Variants in FTO observed in about 807,000 individuals in gnomAD.
FTO encodes the protein alpha-ketoglutarate-dependent dioxygenase FTO.
FTO carries 47 observed loss-of-function variants against 63.9 expected under a neutral mutation model. That is an observed-to-expected ratio of 0.74 (90% CI 0.58 to 0.94). FTO has a LOEUF of 0.94. Among genes scored for constraint, FTO ranks in the 40% least tolerant of loss-of-function variants. The pLI is 0.00. For synonymous variants in FTO, 207 were observed against 224.4 expected, an observed-to-expected ratio of 0.92 and a Z score of 0.69; for missense variants, 562 against 618.1, an observed-to-expected ratio of 0.91 and a Z score of 0.96.
intron 1 of FTO, among the ~76,000 whole-genome samples, chr16:53,754,357 G>A (rs1052184536): frequency 6.6e-6 from 1 of 152,226 alleles, no homozygotes; most frequent in Non-Finnish European, 1.5e-5. Context: ...AAAGCTCCAG[G>A]CTGGGCGCGG....
chr16:54,087,431 G>C (rs1424130469), intron 8 of FTO, among the ~76,000 whole-genome samples: 1 of 152,140 alleles, frequency 6.6e-6, no homozygotes, highest in Non-Finnish European at 1.5e-5. Context: ...ACAATCAAAA[G>C]AACTCCCTTT....
chr16:53,875,556 T>C (rs2080624789), intron 5 of FTO, among the ~76,000 whole-genome samples: 1 of 152,184 alleles, frequency 6.6e-6, no homozygotes, highest in African/African-American at 2.4e-5. Flanking sequence ...GAAAAACTAA[T>C]AGGAGATGGG....
chr16:53,803,279 C>T (rs1274321569), intron 1 of FTO, among the ~76,000 whole-genome samples: 1 of 152,188 alleles, frequency 6.6e-6, no homozygotes, highest in East Asian at 1.9e-4. Context: ...AGGGCTATCG[C>T]ACCACTGCTG....
chr16:53,791,848 C>T (rs1281325094), intron 1 of FTO, among the ~76,000 whole-genome samples: 2 of 151,946 alleles, frequency 1.3e-5, no homozygotes, highest in Non-Finnish European at 2.9e-5. Flanking sequence ...CCGAGGCGGG[C>T]GGATCACGAG....
chr16:53,944,160 GAGGAGCTATCTT>G (rs1437872113), intron 8 of FTO, among the ~76,000 whole-genome samples: 1 of 152,184 alleles, frequency 6.6e-6, no homozygotes, highest in Non-Finnish European at 1.5e-5. Flanking sequence ...TACCTGGTAT[GAGGAGCTATCTT>G]AGGTCCTGAG....
intron 7 of FTO, among the ~76,000 whole-genome samples, chr16:53,904,649 T>A (rs1567419105): frequency 6.6e-6 from 1 of 152,174 alleles, no homozygotes. Flanking sequence ...TATAACTATT[T>A]TTGGCAATGG....
At chr16:54,107,584 A>G (rs923939608) in intron 8 of FTO, among the ~76,000 whole-genome samples, 1 of 152,198 alleles carries the variant, frequency 6.6e-6, no homozygotes. Flanking sequence ...CAACCACAAC[A>G]TCTCAGTTTG....
Position 54,117,652 on chromosome 16 carries a change from C to T in FTO, c.*5737C>T, listed in dbSNP as rs1201848336. ...TTTGCTCTTCACAGCTTCCATTTTT[C>T]GCTAGGCGGATGGCATGGAACTTTT... On this transcript the variant is annotated 3_prime_UTR_variant, in exon 9 of 9. Transcript: ENST00000471389. 1 of 152,122 alleles carries T rather than the reference C, an allele frequency of 6.6e-6. No homozygotes were observed. Among genetic ancestry groups the T allele is most frequent in the African/African-American group, 2.4e-5 (1 of 41,422 alleles). 9.4% of individuals were successfully genotyped at this position (152,122 alleles called of 1,614,324 possible).
At chr16:54,106,880 A>G (rs1466214187) in intron 8 of FTO, among the ~76,000 whole-genome samples, 2 of 139,408 alleles carry the variant, frequency 1.4e-5, no homozygotes, top group African/African-American at 5.2e-5. Flanking sequence ...TATAATAAAT[A>G]TATTATTGTA....
chr16:53,749,017 C>T (rs568173646), intron 1 of FTO, among the ~76,000 whole-genome samples: 85 of 152,230 alleles, frequency 5.6e-4, no homozygotes, highest in Middle Eastern at 3.4e-3. Context: ...CCACCCGCCT[C>T]GGCTTCCCAA....
At chr16:53,946,592 C>A (rs1333557225) in intron 8 of FTO, among the ~76,000 whole-genome samples, 1 of 151,626 alleles carries the variant, frequency 6.6e-6, no homozygotes, top group Non-Finnish European at 1.5e-5. Flanking sequence ...TATTTTTTTT[C>A]ACTGAAAAAG....
At chr16:53,919,189 A>G (rs1198498684) in intron 7 of FTO, among the ~76,000 whole-genome samples, 1 of 152,182 alleles carries the variant, frequency 6.6e-6, no homozygotes, top group Non-Finnish European at 1.5e-5. Context: ...AAATGATAAT[A>G]CCTTTATCTT....
intron 1 of FTO, among the ~76,000 whole-genome samples, chr16:53,785,094 AG>A (rs2077700123): frequency 6.6e-6 from 1 of 152,222 alleles, no homozygotes; most frequent in Admixed American, 6.5e-5. Context: ...ATGTGTGACC[AG>A]CCTCAATAGA....
At chr16:53,895,421 G>T (rs1050826349) in intron 7 of FTO, among the ~76,000 whole-genome samples, 1 of 152,188 alleles carries the variant, frequency 6.6e-6, no homozygotes, top group African/African-American at 2.4e-5. Context: ...TCTCTTTGAA[G>T]TGTTTTTGCA....
chr16:53,877,327 G>A (rs765832034), intron 5 of FTO, among the ~76,000 whole-genome samples: 14 of 152,164 alleles, frequency 9.2e-5, no homozygotes, highest in African/African-American at 1.2e-4. Context: ...TAAATAAAAC[G>A]TGGCATATCC....
At chr16:53,812,039 C>G (rs2078541731) in intron 2 of FTO, among the ~76,000 whole-genome samples, 1 of 151,668 alleles carries the variant, frequency 6.6e-6, no homozygotes, top group East Asian at 1.9e-4. Flanking sequence ...TCTTGAACTC[C>G]TGAGCTCAAG....
chr16:53,804,728 G>A (rs981279788), intron 1 of FTO, among the ~76,000 whole-genome samples: 3 of 145,526 alleles, frequency 2.1e-5, no homozygotes, highest in African/African-American at 7.6e-5. Context: ...CGATTCTCTT[G>A]CCTCAGCCAC....
intron 4 of FTO, among the ~76,000 whole-genome samples, chr16:53,861,200 T>A (rs1165075803): frequency 6.6e-6 from 1 of 152,166 alleles, no homozygotes; most frequent in Non-Finnish European, 1.5e-5. Flanking sequence ...GGTGAGGTAT[T>A]ATGGTGTGGA....
At chr16:53,947,813 A>T (rs940522803) in intron 8 of FTO, among the ~76,000 whole-genome samples, 2 of 152,194 alleles carry the variant, frequency 1.3e-5, no homozygotes, top group Admixed American at 1.3e-4. Flanking sequence ...ACTGTAAATG[A>T]TCTTTCTGCT....
Sources: gnomAD v4.1 joint callset for allele counts (sites outside exome capture counted in the v4.1 genomes callset) on GRCh38, gnomAD v4.1.1 for gene constraint, MANE v1.5 for transcripts, NCBI Gene and HGNC (gene_info 2026-07-23, HGNC 2026-07-21) for gene names.